FANCB: variants seen among roughly 807,000 people sequenced by gnomAD.
The protein encoded by FANCB is Fanconi anemia group B protein.
Under a neutral mutation model 38.9 loss-of-function variants are expected in FANCB, and 5 were observed. The observed-to-expected ratio is 0.13, with a 90% CI of 0.07 to 0.27. FANCB has a LOEUF of 0.27. FANCB is among the 10% of genes least tolerant of loss of function. The pLI is 1.00. For synonymous variants in FANCB, 236 were observed against 215.4 expected, an observed-to-expected ratio of 1.10 and a Z score of -0.84; for missense variants, 573 against 602.7, an observed-to-expected ratio of 0.95 and a Z score of 0.52.
the FANCB span, among the ~76,000 whole-genome samples, chrX:14,724,129 C>A: frequency 9.0e-6 from 1 of 111,225 alleles, no homozygotes; most frequent in African/African-American, 3.3e-5. Context: ...CTGTGTGTGT[C>A]TTGTGTGTAT....
At chrX:14,810,229 G>A in the FANCB span, among the ~76,000 whole-genome samples, 3 of 111,750 alleles carry the variant, frequency 2.7e-5, no homozygotes, top group South Asian at 7.4e-4. Context: ...AACAGAGCAG[G>A]AAAACTGGAA....
chrX:14,780,804 G>T, the FANCB span, among the ~76,000 whole-genome samples: 2,024 of 102,937 alleles, frequency 0.02, 137 homozygotes, highest in African/African-American at 0.067. Flanking sequence ...AATATTCTTG[G>T]TTTTTTTTGT....
the FANCB span, among the ~76,000 whole-genome samples, chrX:14,732,616 G>C: frequency 6.2e-5 from 7 of 112,254 alleles, no homozygotes; most frequent in Non-Finnish European, 1.9e-5. Flanking sequence ...ATTTTGATCT[G>C]CATTTCTCTA....
the FANCB span, among the ~76,000 whole-genome samples, chrX:14,703,947 T>C: frequency 8.9e-6 from 1 of 111,820 alleles, no homozygotes; most frequent in African/African-American, 3.3e-5. Flanking sequence ...AGTAAACCTC[T>C]TGCATGCAAT....
the FANCB span, among the ~76,000 whole-genome samples, chrX:14,761,681 G>A: frequency 5.4e-5 from 6 of 111,397 alleles, no homozygotes; most frequent in Admixed American, 9.6e-5. Context: ...GTATGATTGC[G>A]ATATCTGGGC....
chrX:14,815,207 A>T, the FANCB span, among the ~76,000 whole-genome samples: 2 of 110,722 alleles, frequency 1.8e-5, no homozygotes, highest in African/African-American at 6.6e-5. Context: ...CATTAGGAGA[A>T]ATACCTAATG....
the FANCB span, among the ~76,000 whole-genome samples, chrX:14,698,879 G>T: frequency 3.6e-5 from 4 of 110,408 alleles, no homozygotes; most frequent in African/African-American, 1.3e-4. Context: ...TTTATTGAGA[G>T]AACACCTGAG....
the FANCB span, among the ~76,000 whole-genome samples, chrX:14,757,395 T>C: frequency 8.9e-6 from 1 of 111,951 alleles, no homozygotes; most frequent in Non-Finnish European, 1.9e-5. Context: ...ACTCACATCA[T>C]GAACTTTTGC....
intron 1 of FANCB, among the ~76,000 whole-genome samples, chrX:14,871,216 T>C (rs1330659735): frequency 9.0e-6 from 1 of 111,583 alleles, no homozygotes; most frequent in Non-Finnish European, 1.9e-5. Flanking sequence ...AAATTTCTCA[T>C]ATAAGTAATG....
At chrX:14,811,248 A>G in the FANCB span, among the ~76,000 whole-genome samples, 2 of 111,664 alleles carry the variant, frequency 1.8e-5, no homozygotes, top group African/African-American at 6.5e-5. Context: ...CTAGGAAGAA[A>G]CTGCATCAAC....
At chrX:14,719,899 G>A in the FANCB span, among the ~76,000 whole-genome samples, 1 of 111,912 alleles carries the variant, frequency 8.9e-6, no homozygotes, top group East Asian at 2.8e-4. Context: ...TTAATAGTAT[G>A]GATGAGTCTG....
chrX:14,839,909 G>A (rs2092350430), downstream of FANCB, among the ~76,000 whole-genome samples: 2 of 109,011 alleles, frequency 1.8e-5, no homozygotes, highest in African/African-American at 3.4e-5. Context: ...GGAGTGCAGT[G>A]CAGTGGCGCG....
the FANCB span, among the ~76,000 whole-genome samples, chrX:14,783,946 ATGCC>A: frequency 8.9e-6 from 1 of 112,848 alleles, no homozygotes; most frequent in Non-Finnish European, 1.9e-5. Context: ...GCGGTGGCTC[ATGCC>A]TGTAATCCCA....
chrX:14,822,290 T>C, the FANCB span, among the ~76,000 whole-genome samples: 3 of 110,428 alleles, frequency 2.7e-5, no homozygotes, highest in South Asian at 1.2e-3. Context: ...TAGCCAACTC[T>C]GCTTGATTGC....
chrX:14,746,146 ATCAT>A, the FANCB span, among the ~76,000 whole-genome samples: 1 of 112,402 alleles, frequency 8.9e-6, no homozygotes, highest in Non-Finnish European at 1.9e-5. Flanking sequence ...GTTTCACTAA[ATCAT>A]TCAGTCAAAA....
the FANCB span, among the ~76,000 whole-genome samples, chrX:14,796,693 T>C: frequency 0.14 from 12,432 of 92,038 alleles, 1,060 homozygotes; most frequent in African/African-American, 0.3. Context: ...CGTCTATATA[T>C]ACACACACAC....
chrX:14,690,863 T>TG, the FANCB span: 85 of 1,206,661 alleles, frequency 7.0e-5, no homozygotes, highest in Non-Finnish European at 9.3e-5. Context: ...GAATAAGGTA[T>TG]GATTGCCCCT....
chrX:14,853,287 T>C lies in FANCB; in HGVS notation c.1198-120A>G. 7.8e-6 allele frequency: 5 copies of C among 638,699 alleles called. No homozygotes were observed. The South Asian group carries it at 1.4e-4, about 18-fold the overall frequency. The allele number at this position is 638,699 out of a possible 1,213,427, so 52.6% of individuals were successfully genotyped here. On this transcript the variant is annotated intron_variant, in intron 5 of 9. Transcript: ENST00000650831. ...TATCAATTCATTTTTCTATAGAAAA[T>C]AAAATACTTCTCAGAGCAAAACAGT...
At chrX:14,760,058 C>T in the FANCB span, among the ~76,000 whole-genome samples, 1 of 111,731 alleles carries the variant, frequency 9.0e-6, no homozygotes, top group Non-Finnish European at 1.9e-5. Flanking sequence ...AAAAACATAC[C>T]AAATTGTAAA....
Sources: allele counts gnomAD v4.1 joint callset (sites outside exome capture counted in the v4.1 genomes callset), GRCh38; gene constraint gnomAD v4.1.1; transcripts MANE v1.5; gene names NCBI Gene and HGNC (gene_info 2026-07-23, HGNC 2026-07-21).